CCBE1: variants seen among roughly 807,000 people sequenced by gnomAD.
CCBE1 encodes the protein collagen and calcium-binding EGF domain-containing protein 1.
In CCBE1, 37 loss-of-function variants were observed where a neutral mutation model predicts 50.0. The observed-to-expected ratio is 0.74, with a 90% confidence interval of 0.57 to 0.97. The LOEUF (loss-of-function observed/expected upper bound fraction) is 0.97, where lower values mean the gene tolerates loss of function less well. CCBE1 is among the 50% of genes least tolerant of loss of function. The pLI is 0.00. For missense variants in CCBE1, 538 were observed against 523.8 expected (o/e 1.03, Z -0.26); for synonymous variants, 234 against 203.7 (o/e 1.15, Z -1.27).
intron 2 of CCBE1, among the ~76,000 whole-genome samples, chr18:59,579,627 C>T (rs769892435): frequency 1.3e-5 from 2 of 152,206 alleles, no homozygotes; most frequent in Non-Finnish European, 2.9e-5. Flanking sequence ...ACACACAATT[C>T]CAGAGGGCCC....
chr18:59,490,382 TC>T (rs1164735359), intron 2 of CCBE1, among the ~76,000 whole-genome samples: 3 of 122,964 alleles, frequency 2.4e-5, no homozygotes, highest in South Asian at 5.6e-4. Context: ...GACAGGATAT[TC>T]CCCCTTTTTT....
chr18:59,518,472 A>G (rs571283428), intron 2 of CCBE1, among the ~76,000 whole-genome samples: 26 of 152,338 alleles, frequency 1.7e-4, no homozygotes, highest in African/African-American at 6.3e-4. Context: ...AACTATAAAC[A>G]GAATTCTAAA....
chr18:59,515,382 G>A (rs1158505833), intron 2 of CCBE1, among the ~76,000 whole-genome samples: 1 of 152,202 alleles, frequency 6.6e-6, no homozygotes, highest in Non-Finnish European at 1.5e-5. Flanking sequence ...TCTACACCCA[G>A]GAGGGGGGCC....
chr18:59,580,977 G>A (rs1396663848), intron 2 of CCBE1, among the ~76,000 whole-genome samples: 1 of 152,196 alleles, frequency 6.6e-6, no homozygotes, highest in Non-Finnish European at 1.5e-5. Context: ...GCTCTGTGCT[G>A]CCGCTTTTGA....
chr18:59,551,142 C>T (rs906243947), intron 2 of CCBE1, among the ~76,000 whole-genome samples: 4 of 151,784 alleles, frequency 2.6e-5, no homozygotes, highest in Admixed American at 2.6e-4. Flanking sequence ...TACATCAGAG[C>T]ATACTTACAC....
At chr18:59,523,866 T>G (rs558933513) in intron 2 of CCBE1, among the ~76,000 whole-genome samples, 1 of 152,260 alleles carries the variant, frequency 6.6e-6, no homozygotes, top group South Asian at 2.1e-4. Flanking sequence ...CCTTCTGCAT[T>G]GGTGATGTGA....
chr18:59,671,811 T>G (rs2054435298), intron 2 of CCBE1, among the ~76,000 whole-genome samples: 1 of 115,620 alleles, frequency 8.6e-6, no homozygotes, highest in African/African-American at 3.5e-5. Context: ...GGTGGGAAGG[T>G]TAAAAAAAAA....
chr18:59,473,583 TC>T (rs61580599), intron 3 of CCBE1, among the ~76,000 whole-genome samples: 150,452 of 151,730 alleles, frequency 0.99, 74,587 homozygotes, highest in Middle Eastern at 1. Context: ...TCTTTTTTTT[TC>T]CCTATTGTTA....
In CCBE1 at chr18:59,621,031, G is replaced by A. The variant is rs762770789; in HGVS notation, c.212+75598C>T. Among the ~76,000 whole-genome samples, 3 of 152,188 alleles carry A rather than the reference G, an allele frequency of 2.0e-5. No homozygotes were observed. The South Asian group carries it at 6.2e-4, about 31-fold the overall frequency. ...ACACACAGAGTTCAACTTGGCATGT[G>A]AATGGCATCTGAAGTTGTGGCAAAA... On this transcript the variant is annotated intron_variant, in intron 2 of 10. Coordinates refer to ENST00000439986, the MANE Select transcript of CCBE1 (RefSeq NM_133459.4).
chr18:59,498,230 G>A (rs1358560575), intron 2 of CCBE1, among the ~76,000 whole-genome samples: 1 of 151,896 alleles, frequency 6.6e-6, no homozygotes, highest in African/African-American at 2.4e-5. Context: ...GGTGACAAAA[G>A]ATACAATTTT....
In CCBE1 at chr18:59,433,832, T is replaced by C. The variant is rs1422775152; in HGVS notation, c.*2076A>G. The C allele has an allele frequency of 6.8e-6, 1 of 146,408 alleles. No individual in the cohort carries two copies. Among genetic ancestry groups the C allele is most frequent in the African/African-American group, 2.6e-5 (1 of 38,890 alleles). 9.1% of individuals were successfully genotyped at this position (146,408 alleles called of 1,614,324 possible). ...TGGTCTCGATCTCCTGACCTCGTGA[T>C]CCGCCCGCCTCGGCCTCCCAAAGTG... On this transcript the variant is annotated 3_prime_UTR_variant, in exon 11 of 11. Coordinates refer to ENST00000439986, the MANE Select transcript of CCBE1 (RefSeq NM_133459.4).
chr18:59,613,748 T>A (rs2053600746), intron 2 of CCBE1, among the ~76,000 whole-genome samples: 1 of 151,674 alleles, frequency 6.6e-6, no homozygotes, highest in Non-Finnish European at 1.5e-5. Flanking sequence ...AAAAAAAAAA[T>A]TAGAAGATAT....
chr18:59,673,592 CTTA>C (rs1231928602), intron 2 of CCBE1, among the ~76,000 whole-genome samples: 6 of 152,118 alleles, frequency 3.9e-5, no homozygotes, highest in Admixed American at 3.9e-4. Context: ...ATAAATAGCT[CTTA>C]TTATTTTGAC....
chr18:59,470,449 T>C (rs1436880574), intron 3 of CCBE1, among the ~76,000 whole-genome samples: 2 of 152,116 alleles, frequency 1.3e-5, no homozygotes, highest in African/African-American at 4.8e-5. Context: ...GTAATAGAAA[T>C]GTGCATGACT....
Position 59,638,025 on chromosome 18 carries a change from T to C in CCBE1, c.212+58604A>G, listed in dbSNP as rs188028441. On this transcript the variant is annotated intron_variant, in intron 2 of 10. Coordinates refer to ENST00000439986, the MANE Select transcript of CCBE1 (RefSeq NM_133459.4). ...CTGGATAACAAAACCAAAGACACCATGAGAAAAGAAAATTACAGGAGAATT... is the reference window on the plus strand; with the variant it reads ...CTGGATAACAAAACCAAAGACACCACGAGAAAAGAAAATTACAGGAGAATT... Among the ~76,000 whole-genome samples, 48 of 152,172 alleles carry C rather than the reference T, an allele frequency of 3.2e-4. No individual in the cohort carries two copies. In the East Asian group the frequency reaches 9.1e-3, roughly 29 times the overall value.
chr18:59,679,502 A>C (rs1294713538), intron 2 of CCBE1, among the ~76,000 whole-genome samples: 1 of 152,120 alleles, frequency 6.6e-6, no homozygotes, highest in Non-Finnish European at 1.5e-5. Context: ...AGGGAGTAAG[A>C]GGGACAGATG....
At chr18:59,696,824 T>C (rs2054812391) in intron 1 of CCBE1, 115 bp from the exon 2 acceptor site, 2 of 1,165,688 alleles carry the variant, frequency 1.7e-6, no homozygotes, top group African/African-American at 1.5e-5. Context: ...CCCGGCGCTC[T>C]GGGCAGGGGC....
chr18:59,454,397 A>C (rs1292719395), intron 6 of CCBE1, among the ~76,000 whole-genome samples: 2 of 152,100 alleles, frequency 1.3e-5, no homozygotes, highest in Non-Finnish European at 2.9e-5. Flanking sequence ...GGTGCCCACC[A>C]CCACACCCAG....
At chr18:59,480,605 T>C (rs989869913) in intron 2 of CCBE1, among the ~76,000 whole-genome samples, 1 of 152,130 alleles carries the variant, frequency 6.6e-6, no homozygotes, top group Non-Finnish European at 1.5e-5. Flanking sequence ...GCCAAAGAGA[T>C]ACAACTTGTT....
Sources: allele counts gnomAD v4.1 joint callset (sites outside exome capture counted in the v4.1 genomes callset), GRCh38; gene constraint gnomAD v4.1.1; transcripts MANE v1.5; gene names NCBI Gene and HGNC (gene_info 2026-07-23, HGNC 2026-07-21).